The following FMN2 variants were observed in gnomAD, a reference collection of about 807,000 sequenced individuals.
FMN2 encodes formin-2.
A neutral mutation model predicts 142.3 loss-of-function variants in FMN2; 51 were observed. That is an observed-to-expected ratio of 0.36 (90% CI 0.29 to 0.45). The LOEUF is 0.45. Among genes scored for constraint, FMN2 ranks in the 20% least tolerant of loss-of-function variants. The pLI, the probability that FMN2 is intolerant of heterozygous loss-of-function variation, is 1.00. For missense variants in FMN2, 1,936 were observed against 2,122.8 expected, an observed-to-expected ratio of 0.91 and a Z score of 1.73; for synonymous variants, 882 against 869.8, an observed-to-expected ratio of 1.01 and a Z score of -0.25.
intron 3 of FMN2, among the ~76,000 whole-genome samples, chr1:240,183,148 C>G (rs940077060): frequency 2.0e-5 from 3 of 151,622 alleles, no homozygotes; most frequent in African/African-American, 7.3e-5. Flanking sequence ...GAACTCTGGG[C>G]TTAAGTGATC....
intron 2 of FMN2, among the ~76,000 whole-genome samples, chr1:240,147,927 A>G (rs12759640): frequency 0.078 from 11,850 of 152,228 alleles, 539 homozygotes; most frequent in African/African-American, 0.12. Context: ...CAGATTCGGG[A>G]AAGTCTTGCT....
chr1:240,355,985 A>AAG (rs1672257854), intron 14 of FMN2, 77 bp downstream of exon 14: 11 of 832,520 alleles, frequency 1.3e-5, no homozygotes, highest in Non-Finnish European at 1.8e-5. Flanking sequence ...AAAAAAAAAA[A>AAG]AGCTACAAGG....
chr1:240,244,040 T>G (rs7546638), intron 6 of FMN2, among the ~76,000 whole-genome samples: 1 of 152,114 alleles, frequency 6.6e-6, no homozygotes, highest in Admixed American at 6.5e-5. Context: ...AGTTTTCACA[T>G]TCTGAGGTTC....
At chr1:240,312,410 T>G (rs962607552) in intron 8 of FMN2, among the ~76,000 whole-genome samples, 1 of 152,200 alleles carries the variant, frequency 6.6e-6, no homozygotes, top group Non-Finnish European at 1.5e-5. Flanking sequence ...ACATGCACCT[T>G]GTCTTTAGAA....
intron 6 of FMN2, among the ~76,000 whole-genome samples, chr1:240,211,963 T>C (rs1014769304): frequency 6.6e-6 from 1 of 152,192 alleles, no homozygotes; most frequent in East Asian, 1.9e-4. Context: ...AAAGAATTGC[T>C]AATGGTGCCC....
intron 14 of FMN2, among the ~76,000 whole-genome samples, chr1:240,358,443 C>T (rs72767915): frequency 0.14 from 21,182 of 152,126 alleles, 1,606 homozygotes; most frequent in African/African-American, 0.18. Flanking sequence ...AGTGGAGTTC[C>T]GAATATGTTT....
At chr1:240,209,059 T>G (rs2103397191) in intron 5 of FMN2, among the ~76,000 whole-genome samples, 1 of 152,308 alleles carries the variant, frequency 6.6e-6, no homozygotes, top group Middle Eastern at 3.4e-3. Flanking sequence ...GTTGTAAGAC[T>G]GCTACTTATT....
At chr1:240,369,098 T>G (rs1572238888) in intron 14 of FMN2, among the ~76,000 whole-genome samples, 1 of 152,258 alleles carries the variant, frequency 6.6e-6, no homozygotes, top group Admixed American at 6.5e-5. Context: ...ATATTTATGC[T>G]ACATAGCTGC....
In FMN2 at chr1:240,170,355, A is replaced by T. The variant is rs558162153; in HGVS notation, c.1783-7566A>T. On this transcript the variant is annotated intron_variant, in intron 2 of 17. Coordinates refer to ENST00000319653, the MANE Select transcript of FMN2 (RefSeq NM_020066.5). ...GAGCTGATCCTGAGGGTTGTTTTCCAGTGATCTTGGGACATGAAGGTGCTG... is the reference window on the plus strand; with the variant it reads ...GAGCTGATCCTGAGGGTTGTTTTCCTGTGATCTTGGGACATGAAGGTGCTG... 2.6e-5 allele frequency: 30 copies of T among 1,166,404 alleles called. No individual in the cohort carries two copies. In the African/African-American group the frequency reaches 3.3e-4, roughly 13 times the overall value. The allele number at this position is 1,166,404 out of a possible 1,614,324, so 72.3% of individuals were successfully genotyped here. A position where few individuals can be genotyped will look rare whatever the true frequency, so the allele number is the denominator to read the frequency against.
chr1:240,178,430 C>G (rs528849646), intron 3 of FMN2, among the ~76,000 whole-genome samples: 1 of 149,814 alleles, frequency 6.7e-6, no homozygotes, highest in African/African-American at 2.5e-5. Context: ...CTTTTTTCCC[C>G]CCTTCTTCTT....
intron 5 of FMN2, 86 bp from the exon 6 acceptor site, chr1:240,211,005 C>T (rs1237905725): frequency 7.7e-7 from 1 of 1,291,864 alleles, no homozygotes; most frequent in African/African-American, 1.5e-5. Flanking sequence ...TGGCCTTCCT[C>T]CCTCCCCTTC....
chr1:240,264,285 ATTGT>A (rs1282646848), intron 7 of FMN2, among the ~76,000 whole-genome samples: 4 of 152,156 alleles, frequency 2.6e-5, no homozygotes, highest in Non-Finnish European at 5.9e-5. Context: ...TATTCTGATA[ATTGT>A]TTGGGAAGAA....
intron 1 of FMN2, among the ~76,000 whole-genome samples, chr1:240,103,689 T>A (rs1178501226): frequency 6.6e-6 from 1 of 152,132 alleles, no homozygotes; most frequent in Non-Finnish European, 1.5e-5. Flanking sequence ...ATCAACAGCC[T>A]CCTCAACATT....
intron 2 of FMN2, among the ~76,000 whole-genome samples, chr1:240,171,529 CA>C (rs561298090): frequency 6.6e-5 from 10 of 151,660 alleles, no homozygotes; most frequent in East Asian, 5.8e-4. Flanking sequence ...GTAATTTCTA[CA>C]AAAAAAATAC....
chr1:240,225,627 A>C (rs1399018378), intron 6 of FMN2, among the ~76,000 whole-genome samples: 1 of 152,218 alleles, frequency 6.6e-6, no homozygotes, highest in Non-Finnish European at 1.5e-5. Flanking sequence ...AATGCGTGAA[A>C]TGTCTAGTTT....
intron 6 of FMN2, among the ~76,000 whole-genome samples, chr1:240,240,565 A>G (rs962226051): frequency 5.9e-5 from 9 of 152,222 alleles, no homozygotes; most frequent in African/African-American, 1.9e-4. Flanking sequence ...TGATGCCTGT[A>G]TTTTGTAGAC....
At chr1:240,210,872 A>C (rs1234758751) in intron 5 of FMN2, among the ~76,000 whole-genome samples, 1 of 152,200 alleles carries the variant, frequency 6.6e-6, no homozygotes, top group Non-Finnish European at 1.5e-5. Flanking sequence ...TTTCTGGGGA[A>C]AAATTTCATT....
intron 2 of FMN2, chr1:240,170,115 C>A (rs980025406): frequency 6.4e-6 from 4 of 623,052 alleles, no homozygotes; most frequent in Admixed American, 5.7e-5. Context: ...CAGTAATAAT[C>A]TAGGTTCTGC....
chr1:240,299,593 C>T lies in FMN2; in HGVS notation c.4215+4710C>T, dbSNP rs142708223. Among the ~76,000 whole-genome samples the T allele has an allele frequency of 3.6e-3, 541 of 152,206 alleles. 1 individual carries two copies. The highest frequency in any genetic ancestry group is 6.8e-3 in the Non-Finnish European group (461 of 68,010). On this transcript the variant is annotated intron_variant, in intron 8 of 17. Transcript: ENST00000319653. The stretch of plus-strand genomic sequence containing the variant: ...TTTCAAACAATGGTTTAAATTCAAA[C>T]GGTGACATTCTATTTTAGGGCAAAC...
Sources: allele counts gnomAD v4.1 joint callset (sites outside exome capture counted in the v4.1 genomes callset), GRCh38; gene constraint gnomAD v4.1.1; transcripts MANE v1.5; gene names NCBI Gene and HGNC (gene_info 2026-07-23, HGNC 2026-07-21).